Variants in RASGEF1A observed in about 807,000 individuals in gnomAD.
RASGEF1A encodes ras-GEF domain-containing family member 1A.
RASGEF1A carries 18 observed loss-of-function variants against 56.4 expected under a neutral mutation model. The ratio of observed to expected loss-of-function variants is 0.32; its 90% CI spans 0.22 to 0.47. The LOEUF is 0.47. Ranked by LOEUF, RASGEF1A falls within the 20% of genes least tolerant of loss-of-function variation. The pLI is 1.00. For missense variants in RASGEF1A, 422 were observed against 627.1 expected (o/e 0.67, Z 3.49); for synonymous variants, 245 against 242.6 (o/e 1.01, Z -0.09).
At chr10:43,264,720 T>C (rs1000476434) in intron 1 of RASGEF1A, among the ~76,000 whole-genome samples, 1 of 151,856 alleles carries the variant, frequency 6.6e-6, no homozygotes, top group Non-Finnish European at 1.5e-5. Flanking sequence ...CCTCCCCATC[T>C]GCTATCTGCT....
At position 43,205,905 on chromosome 10, in the gene RASGEF1A, C is replaced by T. The variant is rs1402884901; in HGVS notation, c.198+14G>A. The T allele has an allele frequency of 1.2e-6, 2 of 1,604,818 alleles. No individual in the cohort carries two copies. Among genetic ancestry groups the T allele is most frequent in the Admixed American group, 3.3e-5 (2 of 59,956 alleles). ...ACCCCATTAGTCTCACTCCACAAGG[C>T]CCCACGTACTCACATCGGGGTAATA... On this transcript the variant is annotated intron_variant, in intron 2 of 12. Transcript: ENST00000395810.
chr10:43,201,238 G>A (rs1208249023), intron 4 of RASGEF1A, among the ~76,000 whole-genome samples: 1 of 152,228 alleles, frequency 6.6e-6, no homozygotes, highest in East Asian at 1.9e-4. Context: ...TAAGGCATGG[G>A]AAAGGCTTCT....
intron 1 of RASGEF1A, among the ~76,000 whole-genome samples, chr10:43,213,817 G>A (rs12268309): frequency 0.17 from 25,173 of 152,046 alleles, 2,688 homozygotes; most frequent in East Asian, 0.51. Flanking sequence ...TAGTAGAGAC[G>A]GAGTTTCATG....
intron 1 of RASGEF1A, among the ~76,000 whole-genome samples, chr10:43,214,804 C>T (rs888214053): frequency 2.6e-5 from 4 of 152,182 alleles, no homozygotes; most frequent in South Asian, 2.1e-4. Flanking sequence ...AAGTGTGCAT[C>T]GTTAGGAGTT....
chr10:43,233,328 GTGTA>G (rs1840395299), intron 1 of RASGEF1A, among the ~76,000 whole-genome samples: 1 of 152,196 alleles, frequency 6.6e-6, no homozygotes, highest in East Asian at 1.9e-4. Flanking sequence ...GTGTGTGTGT[GTGTA>G]GACAGATACA....
At chr10:43,245,026 G>C (rs7073849) in intron 1 of RASGEF1A, among the ~76,000 whole-genome samples, 25,378 of 151,830 alleles carry the variant, frequency 0.17, 2,728 homozygotes, top group East Asian at 0.51. Context: ...CCAAAAATGG[G>C]TTCTTTGAAA....
intron 2 of RASGEF1A, chr10:43,203,822 TG>T: frequency 1.1e-6 from 1 of 950,120 alleles, no homozygotes; most frequent in Non-Finnish European, 1.2e-6. Context: ...AGGTCAGCGG[TG>T]GGGAGGGTGG....
At chr10:43,258,596 G>A (rs1009940898) in intron 1 of RASGEF1A, among the ~76,000 whole-genome samples, 4 of 152,218 alleles carry the variant, frequency 2.6e-5, no homozygotes, top group Admixed American at 6.5e-5. Flanking sequence ...TTGGTGGGCC[G>A]AGGGGCACCA....
chr10:43,253,979 C>A (rs373134053), intron 1 of RASGEF1A, among the ~76,000 whole-genome samples: 3 of 152,202 alleles, frequency 2.0e-5, no homozygotes, highest in Non-Finnish European at 4.4e-5. Flanking sequence ...CCCGGCAGTG[C>A]CCCTAAGCTG....
At chr10:43,242,518 C>G (rs1346329747) in intron 1 of RASGEF1A, among the ~76,000 whole-genome samples, 1 of 152,098 alleles carries the variant, frequency 6.6e-6, no homozygotes, top group Admixed American at 6.5e-5. Context: ...CTCTCCCTCT[C>G]TCTCCCTCTC....
chr10:43,250,074 C>G (rs1840609510), intron 1 of RASGEF1A, among the ~76,000 whole-genome samples: 2 of 152,254 alleles, frequency 1.3e-5, no homozygotes. Flanking sequence ...AGCCCTTCAC[C>G]TTTCTGAACT....
intron 1 of RASGEF1A, among the ~76,000 whole-genome samples, chr10:43,260,167 C>T (rs965023173): frequency 1.3e-5 from 2 of 152,184 alleles, no homozygotes; most frequent in Non-Finnish European, 2.9e-5. Flanking sequence ...GGGGCCCTCC[C>T]AGCATCTGGG....
chr10:43,221,042 C>T (rs556559476), intron 1 of RASGEF1A, among the ~76,000 whole-genome samples: 1 of 152,294 alleles, frequency 6.6e-6, no homozygotes, highest in Non-Finnish European at 1.5e-5. Context: ...GCACTGCCCT[C>T]GAGAACTCCG....
intron 1 of RASGEF1A, among the ~76,000 whole-genome samples, chr10:43,214,578 G>C (rs1840109739): frequency 1.3e-5 from 2 of 152,190 alleles, no homozygotes; most frequent in African/African-American, 4.8e-5. Flanking sequence ...CCACAGCAGA[G>C]AGTAGGAACA....
At chr10:43,244,056 C>G (rs1840540740) in intron 1 of RASGEF1A, among the ~76,000 whole-genome samples, 1 of 152,224 alleles carries the variant, frequency 6.6e-6, no homozygotes, top group Non-Finnish European at 1.5e-5. Context: ...AGTTCTTCTG[C>G]CTTGGGATGC....
intron 1 of RASGEF1A, among the ~76,000 whole-genome samples, chr10:43,235,443 T>C (rs1588945597): frequency 1.3e-5 from 2 of 152,182 alleles, no homozygotes; most frequent in East Asian, 3.9e-4. Context: ...TGGCCACCCC[T>C]CCTCAGCCAC....
At chr10:43,208,996 C>G in intron 1 of RASGEF1A, 1 of 985,534 alleles carries the variant, frequency 1.0e-6, no homozygotes, top group Non-Finnish European at 1.2e-6. Flanking sequence ...GCCGGCCACC[C>G]CCACCCAGCC....
intron 1 of RASGEF1A, among the ~76,000 whole-genome samples, chr10:43,237,543 C>A (rs1156711787): frequency 6.6e-6 from 1 of 151,880 alleles, no homozygotes; most frequent in Non-Finnish European, 1.5e-5. Context: ...AGCTGCCTCC[C>A]AACCTCTCTT....
intron 6 of RASGEF1A, 37 bp downstream of exon 6, chr10:43,200,145 G>A: frequency 6.5e-7 from 1 of 1,531,860 alleles, no homozygotes. Flanking sequence ...TGGGCAGACA[G>A]GGCTGGCAGG....
Sources: gnomAD v4.1 joint callset for allele counts (sites outside exome capture counted in the v4.1 genomes callset) on GRCh38, gnomAD v4.1.1 for gene constraint, MANE v1.5 for transcripts, NCBI Gene and HGNC (gene_info 2026-07-23, HGNC 2026-07-21) for gene names.